Variants in DMC1 observed in about 807,000 individuals in gnomAD.
The protein encoded by DMC1 is meiotic recombination protein DMC1 homolog.
Under a neutral mutation model 50.1 loss-of-function variants are expected in DMC1, and 27 were observed. The ratio of observed to expected loss-of-function variants is 0.54; its 90% CI spans 0.40 to 0.74. DMC1 has a LOEUF of 0.74. Among genes scored for constraint, DMC1 ranks in the 30% least tolerant of loss-of-function variants. The pLI is 0.00. For missense variants in DMC1, 295 were observed against 420.2 expected, an observed-to-expected ratio of 0.70 and a Z score of 2.60; for synonymous variants, 148 against 136.1, an observed-to-expected ratio of 1.09 and a Z score of -0.61.
Position 38,548,641 on chromosome 22 carries a change from A to C in DMC1, c.494+1284T>G, listed in dbSNP as rs541924809. 4.6e-5 allele frequency among the ~76,000 whole-genome samples: 7 copies of C among 152,314 alleles called. 1 individual carries two copies. In the East Asian group the frequency reaches 1.2e-3, roughly 25 times the overall value. On this transcript the variant is annotated intron_variant, in intron 8 of 13. Coordinates refer to ENST00000216024, the MANE Select transcript of DMC1 (RefSeq NM_007068.4). ...ATAATTCCAACACTTTGGGAGGCTG[A>C]GGTGGGTGGATCACTTGAGGTCAGG... is the stretch of plus-strand genomic sequence containing the variant.
the DMC1 span, among the ~76,000 whole-genome samples, chr22:38,512,723 G>A: frequency 3.3e-5 from 5 of 152,134 alleles, no homozygotes; most frequent in Non-Finnish European, 5.9e-5. Context: ...TTGTTACCTT[G>A]GTTGGAGTTC....
chr22:38,549,701 C>A, intron 8 of DMC1: 1 of 488,368 alleles, frequency 2.0e-6, no homozygotes, highest in Non-Finnish European at 3.7e-6. Flanking sequence ...GATATAATTT[C>A]CTCTCATGTA....
chr22:38,554,992 G>A (rs1271559015), intron 6 of DMC1, among the ~76,000 whole-genome samples: 1 of 151,636 alleles, frequency 6.6e-6, no homozygotes, highest in Non-Finnish European at 1.5e-5. Flanking sequence ...GCTGAGGCAG[G>A]AGAATGGCGT....
the DMC1 span, among the ~76,000 whole-genome samples, chr22:38,512,515 T>G: frequency 2.6e-5 from 4 of 152,218 alleles, no homozygotes; most frequent in African/African-American, 9.7e-5. Flanking sequence ...ACACTTATTT[T>G]GGGGGTTTTC....
At chr22:38,536,234 C>T (rs1432726200) in intron 12 of DMC1, among the ~76,000 whole-genome samples, 2 of 151,176 alleles carry the variant, frequency 1.3e-5, no homozygotes, top group Admixed American at 6.6e-5. Flanking sequence ...AAAAAACACA[C>T]ACACACTTTA....
At chr22:38,539,035 C>CAAA (rs201990795) in intron 9 of DMC1, among the ~76,000 whole-genome samples, 1 of 112,650 alleles carries the variant, frequency 8.9e-6, no homozygotes. Context: ...GACTCCATCT[C>CAAA]AAAAAAAAAA....
intron 12 of DMC1, among the ~76,000 whole-genome samples, chr22:38,527,311 TCTC>T (rs1280524716): frequency 6.6e-6 from 1 of 151,956 alleles, no homozygotes; most frequent in Non-Finnish European, 1.5e-5. Flanking sequence ...TTCAAGCAAT[TCTC>T]CTGCCTCAGC....
rs965228074 is a variant in DMC1, at chr22:38,525,279, A to AGAT, written c.837-3558_837-3556dup. On this transcript the variant is annotated intron_variant, in intron 12 of 13. Coordinates refer to ENST00000216024, the MANE Select transcript of DMC1 (RefSeq NM_007068.4). Reference sequence around the variant, plus strand: ...CCTGGTCTAGGTCCTTCTTGGACACAGATTTGTGTCATATCTTCAAAACTG... The same window carrying AGAT: ...CCTGGTCTAGGTCCTTCTTGGACACAGATGATTTGTGTCATATCTTCAAAACTG... Among the ~76,000 whole-genome samples, 8 of 152,286 alleles carry AGAT rather than the reference A, an allele frequency of 5.3e-5. No homozygotes were observed. In the South Asian group the frequency reaches 6.2e-4, roughly 12 times the overall value.
At chr22:38,532,434 G>T (rs1288532068) in intron 12 of DMC1, among the ~76,000 whole-genome samples, 2 of 149,128 alleles carry the variant, frequency 1.3e-5, no homozygotes, top group Non-Finnish European at 3.0e-5. Context: ...CGATTCTTCT[G>T]CCTCAGCCTC....
downstream of DMC1, among the ~76,000 whole-genome samples, chr22:38,515,487 A>G (rs2089970673): frequency 6.7e-6 from 1 of 148,848 alleles, no homozygotes. Context: ...AAAAAAAAAA[A>G]AAAAGAAAGA....
downstream of DMC1, among the ~76,000 whole-genome samples, chr22:38,516,910 C>T (rs540228791): frequency 2.6e-5 from 4 of 152,294 alleles, no homozygotes; most frequent in Admixed American, 6.5e-5. Flanking sequence ...ATTGCAGCCT[C>T]GACTTCCTGG....
chr22:38,559,191 G>A (rs987338642), intron 5 of DMC1, among the ~76,000 whole-genome samples: 95 of 151,548 alleles, frequency 6.3e-4, no homozygotes, highest in African/African-American at 2.0e-3. Context: ...CACCATGCCC[G>A]GCTAATTTTT....
chr22:38,512,851 A>G, the DMC1 span, among the ~76,000 whole-genome samples: 5 of 152,104 alleles, frequency 3.3e-5, no homozygotes, highest in Non-Finnish European at 7.3e-5. Context: ...TGGGAGGCCA[A>G]GGCGGGTGGA....
chr22:38,549,910 A>G lies in DMC1; in HGVS notation c.494+15T>C. The G allele has an allele frequency of 1.3e-6, 2 of 1,592,782 alleles. No homozygotes were observed. The highest frequency in any genetic ancestry group is 1.7e-6 in the Non-Finnish European group (2 of 1,161,166). Reference sequence around the variant, plus strand: ...ATCACACTATTATGTTAGCAACTTTAAATAAAAAGGTTACAAAGTATTTTC... The same window carrying G: ...ATCACACTATTATGTTAGCAACTTTGAATAAAAAGGTTACAAAGTATTTTC... On this transcript the variant is annotated intron_variant, in intron 8 of 13. Coordinates refer to ENST00000216024, the MANE Select transcript of DMC1 (RefSeq NM_007068.4).
chr22:38,557,956 C>CTTT lies in DMC1; in HGVS notation c.327-2550_327-2548dup, dbSNP rs753724944. On this transcript the variant is annotated intron_variant, in intron 5 of 13. Coordinates refer to ENST00000216024, the MANE Select transcript of DMC1 (RefSeq NM_007068.4). Reference sequence around the variant, plus strand: ...AATAATTAGATAATTAGACAAAGTTCTTTTTTTTTTTTTTTTTTTTTTTTG... The same window carrying CTTT: ...AATAATTAGATAATTAGACAAAGTTCTTTTTTTTTTTTTTTTTTTTTTTTTTTG... Among the ~76,000 whole-genome samples, 369 of 62,694 alleles carry CTTT rather than the reference C, an allele frequency of 5.9e-3. 16 individuals are homozygous for CTTT. The highest frequency in any genetic ancestry group is 0.022 in the Middle Eastern group (1 of 46). The allele number at this position is 62,694 out of a possible 152,430, so 41.1% of individuals were successfully genotyped here.
At chr22:38,525,950 A>G (rs1301569321) in intron 12 of DMC1, among the ~76,000 whole-genome samples, 1 of 152,150 alleles carries the variant, frequency 6.6e-6, no homozygotes, top group African/African-American at 2.4e-5. Context: ...CCTTGTCTCA[A>G]AAATAAAATA....
chr22:38,532,793 AT>A (rs564633480), intron 12 of DMC1, among the ~76,000 whole-genome samples: 3 of 150,906 alleles, frequency 2.0e-5, no homozygotes, highest in African/African-American at 7.3e-5. Context: ...CTAATTTTTA[AT>A]TTTTTTTAGA....
chr22:38,510,066 T>A, the DMC1 span, among the ~76,000 whole-genome samples: 1 of 152,066 alleles, frequency 6.6e-6, no homozygotes, highest in African/African-American at 2.4e-5. Context: ...TACAAAAAAA[T>A]TAGCTGGGCG....
At chr22:38,558,997 T>C (rs2090497110) in intron 5 of DMC1, among the ~76,000 whole-genome samples, 1 of 152,186 alleles carries the variant, frequency 6.6e-6, no homozygotes, top group Admixed American at 6.5e-5. Context: ...ATTTTAAAAG[T>C]CTGGGACAAT....
Sources: allele counts gnomAD v4.1 joint callset (sites outside exome capture counted in the v4.1 genomes callset), GRCh38; gene constraint gnomAD v4.1.1; transcripts MANE v1.5; gene names NCBI Gene and HGNC (gene_info 2026-07-23, HGNC 2026-07-21).